The following CSRNP3 variants were observed in gnomAD, a reference collection of about 807,000 sequenced individuals.
CSRNP3 encodes cysteine and serine rich nuclear protein 3.
Under a neutral mutation model 48.0 loss-of-function variants are expected in CSRNP3, and 12 were observed. That is an observed-to-expected ratio of 0.25 (90% CI 0.16 to 0.41). The LOEUF (loss-of-function observed/expected upper bound fraction) is 0.41, where lower values mean the gene tolerates loss of function less well. Ranked by LOEUF, CSRNP3 falls within the 10% of genes least tolerant of loss-of-function variation. CSRNP3 has a pLI of 1.00. For synonymous variants in CSRNP3, 263 were observed against 269.7 expected, an observed-to-expected ratio of 0.98 and a Z score of 0.24; for missense variants, 580 against 724.4, an observed-to-expected ratio of 0.80 and a Z score of 2.29.
chr2:165,663,091 A>C (rs1687123611), intron 5 of CSRNP3, among the ~76,000 whole-genome samples: 1 of 152,012 alleles, frequency 6.6e-6, no homozygotes, highest in African/African-American at 2.4e-5. Context: ...TCTCCACTTT[A>C]CCTCCAGCCC....
intron 6 of CSRNP3, among the ~76,000 whole-genome samples, chr2:165,678,386 A>T (rs1002498958): frequency 6.6e-6 from 1 of 152,124 alleles, no homozygotes; most frequent in Admixed American, 6.5e-5. Context: ...AAATTAAAGA[A>T]GTGGAGGGAA....
At chr2:165,560,031 C>T (rs1685212352) in intron 3 of CSRNP3, among the ~76,000 whole-genome samples, 1 of 151,980 alleles carries the variant, frequency 6.6e-6, no homozygotes, top group African/African-American at 2.4e-5. Context: ...GATCTCCTGA[C>T]CTTGTGATCC....
chr2:165,470,589 C>A (rs1683881138), intron 1 of CSRNP3, among the ~76,000 whole-genome samples: 5 of 151,826 alleles, frequency 3.3e-5, no homozygotes, highest in Admixed American at 2.6e-4. Flanking sequence ...TTTTTAGCAA[C>A]TTTACTAGGT....
At chr2:165,548,425 T>C (rs944553505) in intron 3 of CSRNP3, among the ~76,000 whole-genome samples, 1 of 152,082 alleles carries the variant, frequency 6.6e-6, no homozygotes, top group Admixed American at 6.6e-5. Context: ...ATCTGACACA[T>C]GGGAAAGTAT....
Position 165,544,279 on chromosome 2 carries a change from G to T in CSRNP3, c.-24+26318G>T, listed in dbSNP as rs1300927859. On this transcript the variant is annotated intron_variant, in intron 3 of 6. Transcript: ENST00000651982. ...GAAGAATTAAAGCAATGGCTGTCAGGCAGGAGCAAGCCTCCTTCTTCACAG... is the reference window on the plus strand; with the variant it reads ...GAAGAATTAAAGCAATGGCTGTCAGTCAGGAGCAAGCCTCCTTCTTCACAG... Among the ~76,000 whole-genome samples, 3 of 152,102 alleles carry T rather than the reference G, an allele frequency of 2.0e-5. No individual in the cohort carries two copies. The East Asian group carries it at 5.8e-4, about 29-fold the overall frequency.
intron 4 of CSRNP3, among the ~76,000 whole-genome samples, chr2:165,603,869 C>T (rs747225228): frequency 3.3e-5 from 5 of 152,166 alleles, no homozygotes; most frequent in Non-Finnish European, 2.9e-5. Context: ...TTTTCCCTCA[C>T]CTCCTATTTC....
At chr2:165,478,063 C>T (rs540860189) in intron 1 of CSRNP3, among the ~76,000 whole-genome samples, 3 of 151,638 alleles carry the variant, frequency 2.0e-5, no homozygotes, top group African/African-American at 7.3e-5. Context: ...AGGAAAGAAA[C>T]GAAAGAAAGG....
At chr2:165,639,661 G>T (rs945693081) in intron 4 of CSRNP3, among the ~76,000 whole-genome samples, 1 of 152,154 alleles carries the variant, frequency 6.6e-6, no homozygotes, top group Non-Finnish European at 1.5e-5. Context: ...TTTGACACCT[G>T]AGGAGATACA....
chr2:165,644,997 A>T (rs781681791), intron 4 of CSRNP3, among the ~76,000 whole-genome samples: 7 of 152,094 alleles, frequency 4.6e-5, no homozygotes, highest in Admixed American at 1.3e-4. Flanking sequence ...CTGTGTCCTC[A>T]TATGGTTGAA....
intron 3 of CSRNP3, among the ~76,000 whole-genome samples, chr2:165,532,053 T>G (rs1684820056): frequency 6.6e-6 from 1 of 152,090 alleles, no homozygotes; most frequent in Non-Finnish European, 1.5e-5. Flanking sequence ...GCTCTGAAAT[T>G]GAGGCAACAA....
intron 2 of CSRNP3, among the ~76,000 whole-genome samples, chr2:165,516,344 A>G (rs1684582184): frequency 6.6e-6 from 1 of 152,148 alleles, no homozygotes; most frequent in African/African-American, 2.4e-5. Context: ...TTGAATGTAT[A>G]ATGTTCTCAA....
chr2:165,643,902 C>T (rs1686769836), intron 4 of CSRNP3, among the ~76,000 whole-genome samples: 1 of 152,132 alleles, frequency 6.6e-6, no homozygotes, highest in Non-Finnish European at 1.5e-5. Context: ...AGGAAAGTCA[C>T]TCCTCTAAGG....
chr2:165,665,797 G>GAA (rs1333377813), intron 5 of CSRNP3, among the ~76,000 whole-genome samples: 3 of 149,368 alleles, frequency 2.0e-5, no homozygotes, highest in African/African-American at 7.4e-5. Flanking sequence ...GAGAGAGAGA[G>GAA]AGAGAAAGAG....
intron 4 of CSRNP3, among the ~76,000 whole-genome samples, chr2:165,655,219 T>C (rs1341869999): frequency 6.6e-6 from 1 of 152,010 alleles, no homozygotes; most frequent in Admixed American, 6.6e-5. Flanking sequence ...CTTCCAGAGG[T>C]AGTATGATGC....
chr2:165,496,035 G>T (rs1214868277), intron 2 of CSRNP3, among the ~76,000 whole-genome samples: 1 of 151,786 alleles, frequency 6.6e-6, no homozygotes, highest in Non-Finnish European at 1.5e-5. Flanking sequence ...ATGTAGTTCT[G>T]TGACCCGAGA....
intron 2 of CSRNP3, among the ~76,000 whole-genome samples, chr2:165,510,886 AT>A (rs1276682245): frequency 6.6e-6 from 1 of 152,152 alleles, no homozygotes; most frequent in Admixed American, 6.6e-5. Context: ...AAGACATGGG[AT>A]TGGGTTTGAT....
chr2:165,495,330 T>A (rs1250614547), intron 2 of CSRNP3, among the ~76,000 whole-genome samples: 4 of 152,074 alleles, frequency 2.6e-5, no homozygotes, highest in Admixed American at 1.3e-4. Context: ...GAAAATGATG[T>A]TTCTTTTTTA....
Position 165,508,823 on chromosome 2 carries a change from G to A in CSRNP3, c.-112-9050G>A, listed in dbSNP as rs1053779598. On this transcript the variant is annotated intron_variant, in intron 2 of 6. Transcript: ENST00000651982. ...ATAATTTCATAATATTACAAGGTAT[G>A]GACATTTAACAGTTTAGTCTGTCTT... Among the ~76,000 whole-genome samples, 4 of 152,054 alleles carry A rather than the reference G, an allele frequency of 2.6e-5. No individual in the cohort carries two copies. The East Asian group carries it at 5.8e-4, about 22-fold the overall frequency.
Position 165,681,232 on chromosome 2 carries a change from T to A in CSRNP3, c.*1479T>A, listed in dbSNP as rs1687531916. On this transcript the variant is annotated 3_prime_UTR_variant, in exon 7 of 7. Coordinates refer to ENST00000651982, the MANE Select transcript of CSRNP3 (RefSeq NM_001172173.2). ...CTGCCTTTTTTTTTCCAATGCAATA[T>A]GACTATGCTAAACCTGTTTCATATT... 6.6e-6 allele frequency: 1 copy of A among 152,118 alleles called. No homozygotes were observed. The highest frequency in any genetic ancestry group is 1.5e-5 in the Non-Finnish European group (1 of 68,026). 9.4% of individuals were successfully genotyped at this position (152,118 alleles called of 1,614,324 possible). A position where few individuals can be genotyped will look rare whatever the true frequency, so the allele number is the denominator to read the frequency against.
Sources: allele counts gnomAD v4.1 joint callset (sites outside exome capture counted in the v4.1 genomes callset), GRCh38; gene constraint gnomAD v4.1.1; transcripts MANE v1.5; gene names NCBI Gene and HGNC (gene_info 2026-07-23, HGNC 2026-07-21).